PRICKLE1: variants seen among roughly 807,000 people sequenced by gnomAD.
PRICKLE1 encodes the protein prickle-like protein 1.
PRICKLE1 carries 14 observed loss-of-function variants against 70.2 expected under a neutral mutation model. That is an observed-to-expected ratio of 0.20 (90% CI 0.13 to 0.31). PRICKLE1 has a LOEUF of 0.31. Among genes scored for constraint, PRICKLE1 ranks in the 10% least tolerant of loss-of-function variants. The pLI, the probability that PRICKLE1 is intolerant of heterozygous loss-of-function variation, is 1.00. For missense variants in PRICKLE1, 821 were observed against 1,026.2 expected (o/e 0.80, Z 2.73); for synonymous variants, 357 against 379.9 (o/e 0.94, Z 0.70).
chr12:42,466,299 C>T lies in PRICKLE1; in HGVS notation c.670G>A (p.Val224Ile), dbSNP rs1016727048. The change falls in exon 6 of 8, where the codon GTC (valine) becomes ATC (isoleucine). Residue 224 changes from valine to isoleucine, a missense_variant. Physicochemically the swap from Val to Ile is conservative, Grantham distance 29 (BLOSUM62 3). Transcript: ENST00000345127. Reference sequence around the variant, plus strand: ...ATGATATACCTCTGTCCTCCCAGGACCGTTTCACACTCAAGGCAGCAGAAG... The same window carrying T: ...ATGATATACCTCTGTCCTCCCAGGATCGTTTCACACTCAAGGCAGCAGAAG... The part of the protein sequence containing the change: ...KHFCCLECET[V>I]LGGQRYIMKD... 9.3e-6 allele frequency: 15 copies of T among 1,614,090 alleles called. No individual in the cohort carries two copies. Among genetic ancestry groups the T allele is most frequent in the Non-Finnish European group, 1.3e-5 (15 of 1,180,054 alleles).
At chr12:42,522,222 C>T (rs1939723780) in intron 1 of PRICKLE1, among the ~76,000 whole-genome samples, 2 of 152,044 alleles carry the variant, frequency 1.3e-5, no homozygotes, top group South Asian at 4.1e-4. Context: ...GTGATCCACC[C>T]GCCTCAGCCT....
chr12:42,500,452 C>T (rs113735221), intron 1 of PRICKLE1, among the ~76,000 whole-genome samples: 2 of 152,162 alleles, frequency 1.3e-5, no homozygotes, highest in African/African-American at 4.8e-5. Context: ...AGCAACCCAA[C>T]CATCACCTCT....
chr12:42,472,996 CCA>C (rs1938385010), intron 1 of PRICKLE1, among the ~76,000 whole-genome samples: 1 of 152,152 alleles, frequency 6.6e-6, no homozygotes, highest in Admixed American at 6.5e-5. Context: ...GCTCAAGACC[CCA>C]CTCGGCACCC....
intron 1 of PRICKLE1, among the ~76,000 whole-genome samples, chr12:42,553,235 G>C (rs1437804620): frequency 6.6e-6 from 1 of 152,010 alleles, no homozygotes; most frequent in African/African-American, 2.4e-5. Context: ...CTGAGGTTAG[G>C]AGATAGAGAC....
chr12:42,572,200 G>A (rs1248937467), intron 1 of PRICKLE1, among the ~76,000 whole-genome samples: 7 of 152,034 alleles, frequency 4.6e-5, no homozygotes, highest in Non-Finnish European at 7.4e-5. Flanking sequence ...TTGGGAGGCC[G>A]AGGCGGGCGG....
chr12:42,480,700 A>C (rs1261325655), intron 1 of PRICKLE1, among the ~76,000 whole-genome samples: 1 of 152,234 alleles, frequency 6.6e-6, no homozygotes, highest in East Asian at 1.9e-4. Context: ...TAAAGAGCTT[A>C]ATAAGTCAGC....
At chr12:42,468,552 T>C in intron 5 of PRICKLE1, 74 bp downstream of exon 5, 1 of 1,348,784 alleles carries the variant, frequency 7.4e-7, no homozygotes, top group Non-Finnish European at 1.1e-6. Context: ...AGTATTTTGC[T>C]TGATGTAAAC....
At chr12:42,461,400 C>T (rs1937828928) in intron 7 of PRICKLE1, among the ~76,000 whole-genome samples, 2 of 152,220 alleles carry the variant, frequency 1.3e-5, no homozygotes, top group South Asian at 4.1e-4. Flanking sequence ...AGCTAGTCTT[C>T]CTCATCTTAT....
At chr12:42,478,045 C>G (rs1938639396) in intron 1 of PRICKLE1, among the ~76,000 whole-genome samples, 1 of 151,410 alleles carries the variant, frequency 6.6e-6, no homozygotes, top group African/African-American at 2.4e-5. Context: ...TGATGCATCC[C>G]TTACCCAGAC....
intron 1 of PRICKLE1, among the ~76,000 whole-genome samples, chr12:42,479,567 T>C (rs939293086): frequency 6.6e-6 from 1 of 152,248 alleles, no homozygotes; most frequent in Non-Finnish European, 1.5e-5. Flanking sequence ...CTGCATTCAT[T>C]CATTCATCCT....
rs925234164 is a variant in PRICKLE1, at chr12:42,470,278, G to C, written c.214C>G (p.Leu72Val). The C allele has an allele frequency of 2.5e-6, 4 of 1,613,890 alleles. No homozygotes were observed. Among genetic ancestry groups the C allele is most frequent in the Non-Finnish European group, 3.4e-6 (4 of 1,179,806 alleles). ...SPGEKHRIKQ[L>V]LYQLPPHDNE... ...TCATGTGGTGGTAACTGGTACAAAA[G>C]CTGTTTAATCCGATGCTTCTCTCCG... The change falls in exon 3 of 8, where the codon CTT becomes GTT. Residue 72 changes from leucine (L) to valine (V), a missense_variant. Leu to Val is a conservative substitution (Grantham distance 32). Transcript: ENST00000345127.
chr12:42,556,883 G>A (rs1286758982), intron 1 of PRICKLE1, among the ~76,000 whole-genome samples: 1 of 152,162 alleles, frequency 6.6e-6, no homozygotes, highest in East Asian at 1.9e-4. Context: ...CCTACAATGT[G>A]CCAGGCACCC....
At chr12:42,581,548 C>T (rs1940900162) in intron 1 of PRICKLE1, among the ~76,000 whole-genome samples, 1 of 151,938 alleles carries the variant, frequency 6.6e-6, no homozygotes, top group African/African-American at 2.4e-5. Context: ...AGTTCAAGAC[C>T]AGCCTGGTCA....
At chr12:42,487,153 A>G (rs1939005425) in intron 1 of PRICKLE1, among the ~76,000 whole-genome samples, 2 of 152,208 alleles carry the variant, frequency 1.3e-5, no homozygotes, top group African/African-American at 4.8e-5. Context: ...TTTCTTTCCA[A>G]ATTTGTTACT....
Position 42,476,092 on chromosome 12 carries a change from CAAAAAAAAAA to C in PRICKLE1, c.-48-3538_-48-3529del, listed in dbSNP as rs398044331. Among the ~76,000 whole-genome samples, 7 of 101,750 alleles carry C rather than the reference CAAAAAAAAAA, an allele frequency of 6.9e-5. No individual in the cohort carries two copies. The East Asian group carries it at 1.7e-3, about 24-fold the overall frequency. The allele number at this position is 101,750 out of a possible 152,430, so 66.8% of individuals were successfully genotyped here. On this transcript the variant is annotated intron_variant, in intron 1 of 7. Coordinates refer to ENST00000345127, the MANE Select transcript of PRICKLE1 (RefSeq NM_153026.3). ...GGGTGACAAGAGCAAAACTCCGTCTCAAAAAAAAAAAAAAAAAAAGTTATATGGCATGGCC... is the reference window on the plus strand; with the variant it reads ...GGGTGACAAGAGCAAAACTCCGTCTCAAAAAAAAAGTTATATGGCATGGCC...
intron 1 of PRICKLE1, among the ~76,000 whole-genome samples, chr12:42,581,995 T>A (rs896864732): frequency 2.6e-5 from 4 of 151,570 alleles, no homozygotes; most frequent in African/African-American, 9.7e-5. Context: ...AAAAAAAGAG[T>A]GATTTTTCTG....
intron 1 of PRICKLE1, among the ~76,000 whole-genome samples, chr12:42,509,403 C>T (rs921004754): frequency 6.6e-6 from 1 of 152,162 alleles, no homozygotes; most frequent in African/African-American, 2.4e-5. Flanking sequence ...TCCTTTAAAG[C>T]ACACTCCAGA....
chr12:42,569,170 C>T (rs1467682216), intron 1 of PRICKLE1, among the ~76,000 whole-genome samples: 1 of 152,170 alleles, frequency 6.6e-6, no homozygotes, highest in Non-Finnish European at 1.5e-5. Context: ...CATCCTGAAA[C>T]AAGCTCTCTG....
intron 1 of PRICKLE1, among the ~76,000 whole-genome samples, chr12:42,520,229 G>A (rs1939686093): frequency 6.6e-6 from 1 of 152,196 alleles, no homozygotes; most frequent in African/African-American, 2.4e-5. Context: ...ATCTCCACTG[G>A]AGAACAGGTG....
Sources: gnomAD v4.1 joint callset for allele counts (sites outside exome capture counted in the v4.1 genomes callset) on GRCh38, gnomAD v4.1.1 for gene constraint, MANE v1.5 for transcripts, NCBI Gene and HGNC (gene_info 2026-07-23, HGNC 2026-07-21) for gene names.